The following AIPL1 variants were observed in gnomAD, a reference collection of about 807,000 sequenced individuals.
AIPL1 encodes aryl-hydrocarbon-interacting protein-like 1.
A neutral mutation model predicts 32.9 loss-of-function variants in AIPL1; 23 were observed. The observed-to-expected ratio is 0.70, with a 90% CI of 0.50 to 0.99. The LOEUF is 0.99. Among genes scored for constraint, AIPL1 ranks in the 50% least tolerant of loss-of-function variants. The probability of loss-of-function intolerance (pLI) is 0.00; values close to 1 mark genes in which losing one functional copy is unlikely to be tolerated. For synonymous variants in AIPL1, 210 were observed against 209.4 expected (o/e 1.00, Z -0.02); for missense variants, 485 against 506.0 (o/e 0.96, Z 0.40).
At position 6,428,432 on chromosome 17, in the gene AIPL1, G is replaced by A. The variant is rs370312709; in HGVS notation, c.351C>T (p.His117=). 4.5e-5 allele frequency: 73 copies of A among 1,613,708 alleles called. No homozygotes were observed. Among genetic ancestry groups the A allele is most frequent in the East Asian group, 6.7e-5 (3 of 44,894 alleles). The change falls in exon 3 of 6, where the codon CAC becomes CAT. Residue 117 remains histidine (H), a synonymous_variant. Coordinates refer to ENST00000381129, the MANE Select transcript of AIPL1 (RefSeq NM_014336.5). ...MAQGKDPTEW[H]VHTCGLANMF... ...TGTTGGCCAGCCCGCACGTGTGCAC[G>A]TGCCACTCTGTGGGGTCCTTGCCCT...
intron 2 of AIPL1, among the ~76,000 whole-genome samples, chr17:6,430,044 G>GGGGT (rs1180456551): frequency 6.9e-6 from 1 of 144,810 alleles, no homozygotes; most frequent in African/African-American, 2.6e-5. Flanking sequence ...CTCTAGAAGG[G>GGGGT]GTGTGTGTGT....
intron 2 of AIPL1, among the ~76,000 whole-genome samples, chr17:6,432,455 T>C (rs1048021121): frequency 6.6e-6 from 1 of 152,128 alleles, no homozygotes; most frequent in East Asian, 1.9e-4. Flanking sequence ...CAAAGCGCTA[T>C]GCAGAGACTT....
At chr17:6,431,294 G>GA (rs35800597) in intron 2 of AIPL1, among the ~76,000 whole-genome samples, 1,765 of 121,806 alleles carry the variant, frequency 0.014, 19 homozygotes, top group East Asian at 0.075. Flanking sequence ...TAAAAATACT[G>GA]AAAAAAAAAA....
chr17:6,433,184 T>C (rs963319250), intron 2 of AIPL1, among the ~76,000 whole-genome samples: 1 of 152,228 alleles, frequency 6.6e-6, no homozygotes, highest in African/African-American at 2.4e-5. Flanking sequence ...ATAGGAGTAA[T>C]TTACGGAGTG....
At chr17:6,433,883 C>T (rs758566821) in intron 2 of AIPL1, 36 bp downstream of exon 2, 8 of 1,607,486 alleles carry the variant, frequency 5.0e-6, no homozygotes, top group Non-Finnish European at 8.5e-7. Context: ...CCAGAAAAGA[C>T]TAGTCCCAGG....
chr17:6,431,982 A>T (rs1295870574), intron 2 of AIPL1, among the ~76,000 whole-genome samples: 2 of 152,218 alleles, frequency 1.3e-5, no homozygotes, highest in African/African-American at 4.8e-5. Context: ...GGAATAGAGG[A>T]GCATGTTAGA....
At chr17:6,428,841 C>T (rs558103308) in intron 2 of AIPL1, among the ~76,000 whole-genome samples, 2 of 152,340 alleles carry the variant, frequency 1.3e-5, no homozygotes, top group African/African-American at 4.8e-5. Flanking sequence ...TGCTGTTAGC[C>T]TCCGGCTGCC....
At chr17:6,426,055 C>T (rs1911916799) in intron 5 of AIPL1, 1 of 1,132,772 alleles carries the variant, frequency 8.8e-7, no homozygotes, top group Admixed American at 3.1e-5. Context: ...ATTTTATATT[C>T]ATAACTTTGT....
chr17:6,428,630 A>G (rs1437604325), intron 2 of AIPL1, 124 bp from the exon 3 acceptor site: 8 of 845,832 alleles, frequency 9.5e-6, no homozygotes, highest in Admixed American at 2.0e-5. Context: ...CACTCATACT[A>G]ACTGTGGTTA....
rs771211396 is a variant in AIPL1 at position 6,428,363 on chromosome 17, C to T, written c.420G>A (p.Leu140=). The T allele has an allele frequency of 1.1e-5, 17 of 1,611,954 alleles. No individual in the cohort carries two copies. The highest frequency in any genetic ancestry group is 3.3e-4 in the Middle Eastern group (2 of 6,062). Residue 140 remains leucine (L), a synonymous_variant, in exon 3 of 6, where the codon CTG becomes CTA. Coordinates refer to ENST00000381129, the MANE Select transcript of AIPL1 (RefSeq NM_014336.5). ...HTLGYEDLDE[L]QKEPQPLVFV... is the part of the protein sequence containing the mutation. The stretch of plus-strand genomic sequence containing the variant: ...AGACCAGAGGCTGAGGCTCCTTCTG[C>T]AGCTCGTCCAGGTCCTCGTAGCCCA...
intron 2 of AIPL1, among the ~76,000 whole-genome samples, chr17:6,432,450 C>T (rs899166696): frequency 6.6e-6 from 1 of 151,912 alleles, no homozygotes; most frequent in Admixed American, 6.6e-5. Flanking sequence ...ATCAACAAAG[C>T]GCTATGCAGA....
Position 6,428,364 on chromosome 17 carries a change from A to T in AIPL1, c.419T>A (p.Leu140Gln). Residue 140 changes from leucine to glutamine, a missense_variant, in exon 3 of 6, where the codon CTG becomes CAG. Physicochemically the swap from Leu to Gln is moderately radical, Grantham distance 113. Transcript: ENST00000381129. Reference sequence around the variant, plus strand: ...GACCAGAGGCTGAGGCTCCTTCTGCAGCTCGTCCAGGTCCTCGTAGCCCAG... The same window carrying T: ...GACCAGAGGCTGAGGCTCCTTCTGCTGCTCGTCCAGGTCCTCGTAGCCCAG... ...HTLGYEDLDELQKEPQPLVFV... is the reference protein window; with the variant it reads ...HTLGYEDLDEQQKEPQPLVFV... The T allele has an allele frequency of 6.2e-7, 1 of 1,612,034 alleles. No homozygotes were observed. The highest frequency in any genetic ancestry group is 8.5e-7 in the Non-Finnish European group (1 of 1,180,032).
At chr17:6,434,260 C>T (rs932716804) in intron 1 of AIPL1, among the ~76,000 whole-genome samples, 162 bp from the exon 2 acceptor site, 1 of 151,938 alleles carries the variant, frequency 6.6e-6, no homozygotes, top group African/African-American at 2.4e-5. Context: ...CTGCCTGCAC[C>T]CCCCAGGGAG....
chr17:6,425,410 G>C lies in AIPL1; in HGVS notation c.*50C>G. ...ACGATCCTGGTCAATCGAACCAGAA[G>C]TGACCAGGCCACTTGCTCCCTGCCT... is the stretch of plus-strand genomic sequence containing the variant. On this transcript the variant is annotated 3_prime_UTR_variant, in exon 6 of 6. Transcript: ENST00000381129. 4 of 1,539,650 alleles carry C rather than the reference G, an allele frequency of 2.6e-6. No homozygotes were observed. The highest frequency in any genetic ancestry group is 3.5e-6 in the Non-Finnish European group (4 of 1,146,554).
intron 1 of AIPL1, 93 bp downstream of exon 1, chr17:6,434,916 C>G: frequency 5.1e-6 from 8 of 1,581,000 alleles, no homozygotes; most frequent in Non-Finnish European, 6.9e-6. Flanking sequence ...TTTTTTGGCA[C>G]AGCTGAAAGC....
chr17:6,426,711 T>G lies in AIPL1; in HGVS notation c.688A>C (p.Asn230His). 6.2e-7 allele frequency: 1 copy of G among 1,614,074 alleles called. No homozygotes were observed. Among genetic ancestry groups the G allele is most frequent in the South Asian group, 1.1e-5 (1 of 91,090 alleles). The change falls in exon 5 of 6, where the codon AAT becomes CAT. Residue 230 changes from asparagine (N) to histidine (H), a missense_variant. Transcript: ENST00000381129. ...TGGCAGTAGTTGAGGATCAGAGTAT[T>G]GATCATCTTCTCCAGCTTCAGCCAC... ...VQWLKLEKMI[N>H]TLILNYCQCL...
At chr17:6,429,183 G>A (rs907054868) in intron 2 of AIPL1, among the ~76,000 whole-genome samples, 1 of 152,194 alleles carries the variant, frequency 6.6e-6, no homozygotes, top group Admixed American at 6.5e-5. Flanking sequence ...ATGAAGGAGG[G>A]CTGGGAAGAT....
chr17:6,428,693 T>C lies in AIPL1; in HGVS notation c.277-187A>G, dbSNP rs551763562. 2.0e-4 allele frequency among the ~76,000 whole-genome samples: 30 copies of C among 152,334 alleles called. No homozygotes were observed. The South Asian group carries it at 4.1e-3, about 21-fold the overall frequency. On this transcript the variant is annotated intron_variant, in intron 2 of 5. Transcript: ENST00000381129. ...CTGTTATGAGCCCCTTCAATCCTTA[T>C]GACAATTCAAGGCAGGCACTATTAT...
intron 2 of AIPL1, among the ~76,000 whole-genome samples, chr17:6,431,763 G>C (rs1025916085): frequency 2.6e-5 from 4 of 152,172 alleles, no homozygotes; most frequent in Non-Finnish European, 5.9e-5. Context: ...GGGGAGCTTT[G>C]GAATGGATGG....
Sources: gnomAD v4.1 joint callset for allele counts (sites outside exome capture counted in the v4.1 genomes callset) on GRCh38, gnomAD v4.1.1 for gene constraint, MANE v1.5 for transcripts, NCBI Gene and HGNC (gene_info 2026-07-23, HGNC 2026-07-21) for gene names.